The following PCDHGC5 variants were observed in gnomAD, a reference collection of about 807,000 sequenced individuals.
PCDHGC5 encodes the protein protocadherin gamma-C5.
Under a neutral mutation model 59.0 loss-of-function variants are expected in PCDHGC5, and 25 were observed. The observed-to-expected ratio is 0.42, with a 90% CI of 0.31 to 0.59. The LOEUF (loss-of-function observed/expected upper bound fraction) is 0.59. Ranked by LOEUF, PCDHGC5 falls within the 20% of genes least tolerant of loss-of-function variation. The pLI is 0.13. For synonymous variants in PCDHGC5, 434 were observed against 505.5 expected (o/e 0.86, Z 1.90); for missense variants, 1,067 against 1,206.4 (o/e 0.88, Z 1.71).
At chr5:141,502,093 G>C (rs1037154464) in intron 2 of PCDHGC5, among the ~76,000 whole-genome samples, 27 of 152,112 alleles carry the variant, frequency 1.8e-4, no homozygotes, top group Admixed American at 1.7e-3. Flanking sequence ...AGAACACCTG[G>C]CCTTGACCCT....
Position 141,491,504 on chromosome 5 carries a change from G to T in PCDHGC5, c.2264G>T (p.Gly755Val). 6.2e-7 allele frequency: 1 copy of T among 1,614,048 alleles called. No homozygotes were observed. The highest frequency in any genetic ancestry group is 2.2e-5 in the East Asian group (1 of 44,876). Reference protein sequence around the residue: ...SSPNLQVSSDGTLKYMEVTLR... With the variant: ...SSPNLQVSSDVTLKYMEVTLR... Reference sequence around the variant, plus strand: ...CCCAACCTGCAGGTGAGCTCGGACGGCACGCTCAAGTACATGGAGGTGACG... The same window carrying T: ...CCCAACCTGCAGGTGAGCTCGGACGTCACGCTCAAGTACATGGAGGTGACG... The change falls in exon 1 of 4, where the codon GGC becomes GTC. Residue 755 changes from glycine (G) to valine (V), a missense_variant. Physicochemically the swap from Gly to Val is moderately radical, Grantham distance 109 (BLOSUM62 -3). Transcript: ENST00000252087. The surrounding 1 kb of genome is among the most constrained non-coding windows in gnomAD (Gnocchi z 6.9).
At chr5:141,503,598 C>CTAA (rs2099824827) in intron 2 of PCDHGC5, among the ~76,000 whole-genome samples, 2 of 65,752 alleles carry the variant, frequency 3.0e-5, no homozygotes, top group African/African-American at 9.3e-5. Flanking sequence ...GACTCCAGCT[C>CTAA]AAAAAAAAAA....
chr5:141,498,656 G>A (rs2154592341), intron 2 of PCDHGC5, among the ~76,000 whole-genome samples: 1 of 152,336 alleles, frequency 6.6e-6, no homozygotes, highest in Non-Finnish European at 1.5e-5. Context: ...ACCTGGCCAG[G>A]TGTGGTGGCT....
chr5:141,507,522 C>G (rs560304194), intron 3 of PCDHGC5, among the ~76,000 whole-genome samples: 365 of 152,096 alleles, frequency 2.4e-3, no homozygotes, highest in African/African-American at 8.1e-3. Context: ...GCTATGATTC[C>G]AGAGAGGCCA....
rs112808093 is a variant in PCDHGC5, at chr5:141,489,579, C to T, written c.339C>T (p.Pro113=). Residue 113 remains proline, a synonymous_variant, in exon 1 of 4, where the codon CCC becomes CCT. Transcript: ENST00000252087. The surrounding 1 kb of genome is among the most constrained non-coding windows in gnomAD (Gnocchi z 4.5). ...LLPVQVVTEH[P]LELIRVEVEI... ...CAGTGCAGGTGGTGACTGAACACCC[C>T]CTGGAGCTAATCCGTGTAGAGGTAG... is the stretch of plus-strand genomic sequence containing the variant. 211 of 1,614,038 alleles carry T rather than the reference C, an allele frequency of 1.3e-4. 1 individual carries two copies. In the African/African-American group the frequency reaches 1.7e-3, roughly 13 times the overall value.
At chr5:141,500,326 A>T (rs1041431019) in intron 2 of PCDHGC5, among the ~76,000 whole-genome samples, 7 of 152,022 alleles carry the variant, frequency 4.6e-5, no homozygotes, top group Non-Finnish European at 1.0e-4. Context: ...CTCCTGCCTC[A>T]GCCTCCAGAA....
chr5:141,501,831 C>G (rs1246452764), intron 2 of PCDHGC5, among the ~76,000 whole-genome samples: 1 of 152,176 alleles, frequency 6.6e-6, no homozygotes, highest in African/African-American at 2.4e-5. Context: ...GCCCACCCAC[C>G]TGTTTGGCCC....
Position 141,494,872 on chromosome 5 carries a change from G to A in PCDHGC5, c.2519+7G>A. On this transcript the variant is annotated splice_region_variant and intron_variant, in intron 2 of 3. Transcript: ENST00000252087. ...AGAGACCCGGCACCAGCGGGTAGGT[G>A]ACTGATTCTCCAGCCCACCCTCTTC... 1 of 1,614,128 alleles carries A rather than the reference G, an allele frequency of 6.2e-7. No individual in the cohort carries two copies. Among genetic ancestry groups the A allele is most frequent in the South Asian group, 1.1e-5 (1 of 91,074 alleles).
At chr5:141,494,171 G>A (rs72790068) in intron 1 of PCDHGC5, among the ~76,000 whole-genome samples, 9,520 of 152,240 alleles carry the variant, frequency 0.063, 348 homozygotes, top group South Asian at 0.11. Flanking sequence ...TTCTAGGGGT[G>A]AGAAGTGTCC....
chr5:141,497,237 T>C (rs933112169), intron 2 of PCDHGC5, among the ~76,000 whole-genome samples: 3 of 152,038 alleles, frequency 2.0e-5, no homozygotes, highest in Non-Finnish European at 4.4e-5. Context: ...AGAAGGCTTC[T>C]AGGAGGAGGT....
rs147522770 is a variant in PCDHGC5, at chr5:141,504,573, C to T, written c.2520-820C>T. On this transcript the variant is annotated intron_variant, in intron 2 of 3. Coordinates refer to ENST00000252087, the MANE Select transcript of PCDHGC5 (RefSeq NM_018929.3). ...TGGGGGACTGGCATTCTAGGGAACA[C>T]CATCTGCCCAGGATTCACAGCAAGA... Among the ~76,000 whole-genome samples the T allele has an allele frequency of 5.4e-5, 8 of 148,158 alleles. No individual in the cohort carries two copies. In the East Asian group the frequency reaches 1.6e-3, roughly 30 times the overall value.
chr5:141,506,085 G>A lies in PCDHGC5; in HGVS notation c.2608+604G>A, dbSNP rs532931472. Among the ~76,000 whole-genome samples the A allele has an allele frequency of 2.6e-4, 39 of 152,168 alleles. 1 individual carries two copies. In the South Asian group the frequency reaches 2.9e-3, roughly 11 times the overall value. On this transcript the variant is annotated intron_variant, in intron 3 of 3. Coordinates refer to ENST00000252087, the MANE Select transcript of PCDHGC5 (RefSeq NM_018929.3). ...AGGGCTTCCTTTGTAATAGAGATTC[G>A]GCTAGTGGTGGTTGTCCCTGAAGAG...
At chr5:141,500,473 T>C (rs911171031) in intron 2 of PCDHGC5, among the ~76,000 whole-genome samples, 10 of 152,132 alleles carry the variant, frequency 6.6e-5, no homozygotes, top group Admixed American at 4.6e-4. Flanking sequence ...CCTCCCAAAG[T>C]GCTGGGATTA....
rs962136728 is a variant in PCDHGC5 at position 141,491,524 on chromosome 5, G to A, written c.2284G>A (p.Val762Met). 1 of 1,613,960 alleles carries A rather than the reference G, an allele frequency of 6.2e-7. No homozygotes were observed. The highest frequency in any genetic ancestry group is 1.3e-5 in the African/African-American group (1 of 74,936). Residue 762 changes from valine to methionine, a missense_variant, in exon 1 of 4, where the codon GTG (valine) becomes ATG (methionine). Physicochemically the swap from Val to Met is conservative, Grantham distance 21. Coordinates refer to ENST00000252087, the MANE Select transcript of PCDHGC5 (RefSeq NM_018929.3). The surrounding 1 kb of genome is among the most constrained non-coding windows in gnomAD (Gnocchi z 6.9). ...SSDGTLKYME[V>M]TLRPTDSQSH... ...GGACGGCACGCTCAAGTACATGGAG[G>A]TGACGCTGCGGCCCACAGACTCGCA...
Position 141,491,657 on chromosome 5 carries a change from A to T in PCDHGC5, c.2417A>T (p.Asp806Val). 1.2e-6 allele frequency: 2 copies of T among 1,613,740 alleles called. No homozygotes were observed. Among genetic ancestry groups the T allele is most frequent in the Non-Finnish European group, 1.7e-6 (2 of 1,180,006 alleles). The change falls in exon 1 of 4, where the codon GAC becomes GTC. Residue 806 changes from aspartate to valine, a missense_variant. Transcript: ENST00000252087. The surrounding 1 kb of genome is among the most constrained non-coding windows in gnomAD (Gnocchi z 6.9). The part of the protein sequence containing the change: ...QQPTALALEP[D>V]AIRSRSNTLR... ...CCCACAGCTCTGGCGCTGGAGCCTG[A>T]CGCCATCCGGTCCCGCTCTAATACG...
chr5:141,490,346 TG>T lies in PCDHGC5; in HGVS notation c.1110del (p.Leu371CysfsTer15), dbSNP rs1458588422. ...VLESTPVGTV[V>X]GLFNVRDRDS... ...GAGAGCACACCAGTGGGCACAGTAG[TG>T]GGGTTGTTTAATGTGCGAGACCGGG... On this transcript the variant is annotated frameshift_variant, in exon 1 of 4. Coordinates refer to ENST00000252087, the MANE Select transcript of PCDHGC5 (RefSeq NM_018929.3). LOFTEE classifies it high-confidence loss of function. The surrounding 1 kb of genome is among the most constrained non-coding windows in gnomAD (Gnocchi z 5.4). 1.2e-6 allele frequency: 2 copies of T among 1,614,164 alleles called. No individual in the cohort carries two copies. The highest frequency in any genetic ancestry group is 3.3e-5 in the Admixed American group (2 of 60,032).
intron 2 of PCDHGC5, among the ~76,000 whole-genome samples, chr5:141,502,170 G>A (rs1165631931): frequency 6.6e-6 from 1 of 152,128 alleles, no homozygotes; most frequent in Admixed American, 6.5e-5. Context: ...TTCAGTTGAG[G>A]AATTTAACAT....
At chr5:141,498,670 G>A (rs1266576450) in intron 2 of PCDHGC5, among the ~76,000 whole-genome samples, 1 of 152,066 alleles carries the variant, frequency 6.6e-6, no homozygotes, top group Non-Finnish European at 1.5e-5. Flanking sequence ...GGTGGCTCAC[G>A]CCTGTAATCC....
intron 3 of PCDHGC5, among the ~76,000 whole-genome samples, chr5:141,510,272 T>TA (rs546154379): frequency 0.17 from 22,022 of 130,294 alleles, 2,255 homozygotes; most frequent in African/African-American, 0.28. Flanking sequence ...GACTCCATCT[T>TA]AAAAAAAAAA....
Sources: gnomAD v4.1 joint callset for allele counts (sites outside exome capture counted in the v4.1 genomes callset) on GRCh38, gnomAD v4.1.1 for gene constraint, Gnocchi (gnomAD v3.1) non-coding constraint, MANE v1.5 for transcripts, NCBI Gene and HGNC (gene_info 2026-07-23, HGNC 2026-07-21) for gene names.